The following CD99L2 variants were observed in gnomAD, a reference collection of about 807,000 sequenced individuals.
The protein encoded by CD99L2 is CD99 molecule like 2, also known as CD99 antigen-like protein 2.
A neutral mutation model predicts 27.3 loss-of-function variants in CD99L2; 24 were observed. The observed-to-expected ratio is 0.88, with a 90% CI of 0.64 to 1.24. The LOEUF is 1.24. Among genes scored for constraint, CD99L2 ranks in the 50% most tolerant of loss-of-function variants. CD99L2 has a pLI of 0.00. For synonymous variants in CD99L2, 97 were observed against 87.9 expected, an observed-to-expected ratio of 1.10 and a Z score of -0.58; for missense variants, 255 against 221.6, an observed-to-expected ratio of 1.15 and a Z score of -0.96.
intron 10 of CD99L2, 112 bp from the exon 11 acceptor site, chrX:150,769,213 TG>T: frequency 5.5e-6 from 5 of 907,251 alleles, no homozygotes; most frequent in East Asian, 3.8e-5. Context: ...TTGTATCCCC[TG>T]GGGGGCCGCT....
At chrX:150,793,563 C>G (rs782569907) in intron 7 of CD99L2, 128 bp downstream of exon 7, 1 of 515,526 alleles carries the variant, frequency 1.9e-6, no homozygotes, top group Non-Finnish European at 3.1e-6. Context: ...TCCAAATGAA[C>G]CCCAACTGGC....
chrX:150,807,770 T>C (rs1369247021), intron 4 of CD99L2, among the ~76,000 whole-genome samples: 1 of 112,587 alleles, frequency 8.9e-6, no homozygotes, highest in South Asian at 3.7e-4. Context: ...CATCCACTTA[T>C]ATTTGATAGA....
At chrX:150,781,246 A>G (rs2045505155) in intron 7 of CD99L2, among the ~76,000 whole-genome samples, 1 of 112,613 alleles carries the variant, frequency 8.9e-6, no homozygotes, top group African/African-American at 3.2e-5. Context: ...TGGTTTCAGG[A>G]TAGCATGATC....
intron 1 of CD99L2, among the ~76,000 whole-genome samples, chrX:150,865,726 A>G (rs782193442): frequency 4.6e-4 from 52 of 111,955 alleles, no homozygotes; most frequent in Admixed American, 1.7e-3. Flanking sequence ...CCTACTTGGA[A>G]ATGGAATCAT....
chrX:150,893,520 C>G (rs2047554174), intron 1 of CD99L2, among the ~76,000 whole-genome samples: 1 of 108,539 alleles, frequency 9.2e-6, no homozygotes, highest in African/African-American at 3.4e-5. Context: ...CTTACGCCCC[C>G]CGAACCAAGT....
chrX:150,893,494 C>A (rs1183008495), intron 1 of CD99L2, among the ~76,000 whole-genome samples: 1 of 108,818 alleles, frequency 9.2e-6, no homozygotes, highest in Admixed American at 1.0e-4. Context: ...TGCCAGCACA[C>A]GGGGCCCACT....
intron 1 of CD99L2, among the ~76,000 whole-genome samples, chrX:150,833,937 T>C (rs1487092428): frequency 9.3e-6 from 1 of 108,070 alleles, no homozygotes; most frequent in East Asian, 2.8e-4. Context: ...TGAGACTGAA[T>C]AAAACTAAAA....
At chrX:150,835,475 AGT>A (rs1557421173) in intron 1 of CD99L2, among the ~76,000 whole-genome samples, 1 of 112,045 alleles carries the variant, frequency 8.9e-6, no homozygotes, top group African/African-American at 3.2e-5. Context: ...GGTTACAGTG[AGT>A]GTGTATTGCT....
chrX:150,774,542 C>T (rs1245090051), intron 9 of CD99L2, among the ~76,000 whole-genome samples: 2 of 111,947 alleles, frequency 1.8e-5, no homozygotes, highest in East Asian at 2.8e-4. Flanking sequence ...GGAGAGCCCA[C>T]GGAGGACAGC....
chrX:150,777,601 C>T, intron 7 of CD99L2, 119 bp from the exon 8 acceptor site: 1 of 719,582 alleles, frequency 1.4e-6, no homozygotes, highest in Non-Finnish European at 2.1e-6. Context: ...GACAAGACCC[C>T]CACCAGTGGA....
chrX:150,870,671 C>T (rs1198388707), intron 1 of CD99L2, among the ~76,000 whole-genome samples: 4 of 111,018 alleles, frequency 3.6e-5, no homozygotes, highest in African/African-American at 1.3e-4. Context: ...GGCTCAGGAA[C>T]TGCTGCCACC....
chrX:150,824,562 AAGG>A (rs372923813), intron 2 of CD99L2, among the ~76,000 whole-genome samples: 5,072 of 86,164 alleles, frequency 0.059, 175 homozygotes, highest in South Asian at 0.14. Context: ...AAGAAGAAAG[AAGG>A]AGGAGGAGGA....
Position 150,815,769 on chromosome X carries a change from C to T in CD99L2, c.202+238G>A, listed in dbSNP as rs534603364. Among the ~76,000 whole-genome samples, 9 of 112,255 alleles carry T rather than the reference C, an allele frequency of 8.0e-5. No homozygotes were observed. The South Asian group carries it at 3.0e-3, about 37-fold the overall frequency. On this transcript the variant is annotated intron_variant, in intron 3 of 10. Coordinates refer to ENST00000370377, the MANE Select transcript of CD99L2 (RefSeq NM_031462.4). ...GAAACGGCTAAAAAGGGGAAGAAGT[C>T]CAAATGCATTTTCCTCTTGAAATTT... is the stretch of plus-strand genomic sequence containing the variant.
intron 1 of CD99L2, among the ~76,000 whole-genome samples, chrX:150,875,214 A>G (rs2047211313): frequency 1.8e-5 from 2 of 112,279 alleles, no homozygotes; most frequent in Non-Finnish European, 3.7e-5. Flanking sequence ...ACAGACAGGT[A>G]TAAGAAATAA....
intron 7 of CD99L2, among the ~76,000 whole-genome samples, chrX:150,779,278 T>C (rs782131383): frequency 8.9e-6 from 1 of 112,184 alleles, no homozygotes; most frequent in Non-Finnish European, 1.9e-5. Flanking sequence ...CAAAGCTCAA[T>C]AGTTCACAGC....
At chrX:150,773,369 C>T (rs1266860778) in intron 9 of CD99L2, among the ~76,000 whole-genome samples, 1 of 113,114 alleles carries the variant, frequency 8.8e-6, no homozygotes, top group East Asian at 2.8e-4. Flanking sequence ...AGCTGGCAAG[C>T]GCACGATGCC....
At chrX:150,817,917 A>T (rs1297308311) in intron 2 of CD99L2, among the ~76,000 whole-genome samples, 1 of 111,043 alleles carries the variant, frequency 9.0e-6, no homozygotes, top group Non-Finnish European at 1.9e-5. Context: ...TATGCAAACA[A>T]CAACCATAAG....
Position 150,848,556 on chromosome X carries a change from T to TAA in CD99L2, c.68-17265_68-17264dup, listed in dbSNP as rs55999462. Among the ~76,000 whole-genome samples the TAA allele has an allele frequency of 2.9e-3, 269 of 93,721 alleles. 1 individual carries two copies. Among genetic ancestry groups the TAA allele is most frequent in the South Asian group, 0.012 (23 of 1,898 alleles). The allele number at this position is 93,721 out of a possible 115,157, so 81.4% of individuals were successfully genotyped here. ...TTATGTGGGTTCTTTTTCCACAATT[T>TAA]AAAAAAAAAAAAAAAAACAGCAAGT... On this transcript the variant is annotated intron_variant, in intron 1 of 10. Coordinates refer to ENST00000370377, the MANE Select transcript of CD99L2 (RefSeq NM_031462.4).
rs782807136 is a variant in CD99L2, at chrX:150,856,902, A to T, written c.68-25609T>A. Among the ~76,000 whole-genome samples the T allele has an allele frequency of 2.4e-4, 27 of 111,263 alleles. No homozygotes were observed. In the East Asian group the frequency reaches 7.1e-3, roughly 29 times the overall value. ...TCAGGATATAAATGAGAAATTTACCACAGAGACAGATATAAAAATGAACTA... is the reference window on the plus strand; with the variant it reads ...TCAGGATATAAATGAGAAATTTACCTCAGAGACAGATATAAAAATGAACTA... On this transcript the variant is annotated intron_variant, in intron 1 of 10. Coordinates refer to ENST00000370377, the MANE Select transcript of CD99L2 (RefSeq NM_031462.4).
Sources: allele counts gnomAD v4.1 joint callset (sites outside exome capture counted in the v4.1 genomes callset), GRCh38; gene constraint gnomAD v4.1.1; transcripts MANE v1.5; gene names NCBI Gene and HGNC (gene_info 2026-07-23, HGNC 2026-07-21).